The following CDH12 variants were observed in gnomAD, a reference collection of about 807,000 sequenced individuals.
CDH12 encodes the protein cadherin-12.
Under a neutral mutation model 74.1 loss-of-function variants are expected in CDH12, and 41 were observed. That is an observed-to-expected ratio of 0.55 (90% CI 0.43 to 0.72). The LOEUF (loss-of-function observed/expected upper bound fraction) is 0.72, where lower values mean the gene tolerates loss of function less well. CDH12 is among the 30% of genes least tolerant of loss of function. The pLI is 0.00. For synonymous variants in CDH12, 399 were observed against 355.0 expected (o/e 1.12, Z -1.39); for missense variants, 945 against 977.2 (o/e 0.97, Z 0.44).
At chr5:22,046,775 C>T (rs1476759070) in intron 5 of CDH12, among the ~76,000 whole-genome samples, 1 of 152,070 alleles carries the variant, frequency 6.6e-6, no homozygotes, top group Non-Finnish European at 1.5e-5. Context: ...ATGGTTCAGA[C>T]TCATTTATTT....
At chr5:22,837,420 T>C (rs1165342612) in intron 1 of CDH12, among the ~76,000 whole-genome samples, 1 of 151,854 alleles carries the variant, frequency 6.6e-6, no homozygotes, top group Admixed American at 6.6e-5. Context: ...AAATAAAAAT[T>C]AAAATAAAAT....
At chr5:22,452,908 G>C (rs1341991076) in intron 2 of CDH12, among the ~76,000 whole-genome samples, 2 of 95,816 alleles carry the variant, frequency 2.1e-5, no homozygotes, top group South Asian at 3.4e-4. Context: ...AAAAAAATGA[G>C]TTAAAAGTGG....
chr5:22,615,257 C>A (rs1561529953), intron 1 of CDH12, among the ~76,000 whole-genome samples: 2 of 151,994 alleles, frequency 1.3e-5, no homozygotes, highest in Non-Finnish European at 1.5e-5. Flanking sequence ...ACATTAAAGT[C>A]TTGGATGTGT....
At chr5:22,095,832 C>T (rs1324266616) in intron 4 of CDH12, among the ~76,000 whole-genome samples, 1 of 151,786 alleles carries the variant, frequency 6.6e-6, no homozygotes, top group African/African-American at 2.4e-5. Context: ...CATGCCCCAA[C>T]CTCTTATCTC....
At chr5:22,034,193 C>A (rs1243227422) in intron 5 of CDH12, among the ~76,000 whole-genome samples, 2 of 152,112 alleles carry the variant, frequency 1.3e-5, no homozygotes, top group East Asian at 3.9e-4. Context: ...CACCACCATG[C>A]CTGGATAATT....
chr5:22,226,876 C>T (rs999941369), intron 3 of CDH12, among the ~76,000 whole-genome samples: 9 of 152,022 alleles, frequency 5.9e-5, no homozygotes, highest in African/African-American at 1.2e-4. Context: ...TGTGCTTTCA[C>T]GGCTTAGAAC....
At chr5:22,194,812 T>C (rs1174965120) in intron 4 of CDH12, among the ~76,000 whole-genome samples, 1 of 152,178 alleles carries the variant, frequency 6.6e-6, no homozygotes, top group Non-Finnish European at 1.5e-5. Flanking sequence ...ATAGGACAGT[T>C]TCACCCAGAG....
intron 1 of CDH12, among the ~76,000 whole-genome samples, chr5:22,586,122 A>T (rs1740383953): frequency 6.6e-6 from 1 of 152,206 alleles, no homozygotes; most frequent in African/African-American, 2.4e-5. Flanking sequence ...TGGATTAAGA[A>T]AATGTGGCAC....
intron 4 of CDH12, among the ~76,000 whole-genome samples, chr5:22,084,925 C>T (rs1390921682): frequency 1.3e-5 from 2 of 152,110 alleles, no homozygotes; most frequent in African/African-American, 4.8e-5. Flanking sequence ...GTTATAAAAG[C>T]AAGAACAGAA....
chr5:22,105,919 AC>A (rs1254168711), intron 4 of CDH12, among the ~76,000 whole-genome samples: 2 of 152,022 alleles, frequency 1.3e-5, no homozygotes, highest in African/African-American at 4.8e-5. Context: ...GGATAATATA[AC>A]TTTTCCTTAA....
At chr5:21,790,567 C>T (rs1746434130) in intron 10 of CDH12, among the ~76,000 whole-genome samples, 1 of 152,000 alleles carries the variant, frequency 6.6e-6, no homozygotes, top group African/African-American at 2.4e-5. Flanking sequence ...GTTTAGGGAT[C>T]TTTCATTCCA....
At chr5:22,699,262 A>T (rs1048454148) in intron 1 of CDH12, among the ~76,000 whole-genome samples, 1 of 151,694 alleles carries the variant, frequency 6.6e-6, no homozygotes, top group Non-Finnish European at 1.5e-5. Flanking sequence ...AAAAATCTTT[A>T]ATGTTGTGGT....
intron 5 of CDH12, among the ~76,000 whole-genome samples, chr5:22,052,400 G>A (rs999652127): frequency 2.0e-5 from 3 of 151,878 alleles, no homozygotes; most frequent in East Asian, 3.9e-4. Context: ...ATATTTTCTC[G>A]GGAATCGTTC....
chr5:21,774,833 C>T (rs1436945100), intron 11 of CDH12, among the ~76,000 whole-genome samples: 1 of 152,102 alleles, frequency 6.6e-6, no homozygotes, highest in Admixed American at 6.6e-5. Context: ...TATGTTTAGT[C>T]CTGAAAAGTC....
intron 1 of CDH12, among the ~76,000 whole-genome samples, chr5:22,793,980 C>T (rs1185061555): frequency 1.3e-5 from 2 of 152,120 alleles, no homozygotes; most frequent in Admixed American, 6.5e-5. Context: ...TTCATACCTC[C>T]TATGTTGCAT....
chr5:22,308,025 C>T (rs557317335), intron 3 of CDH12, among the ~76,000 whole-genome samples: 5 of 151,330 alleles, frequency 3.3e-5, no homozygotes, highest in South Asian at 2.1e-4. Context: ...GGACTACAGG[C>T]GCCCGCCACC....
At chr5:22,172,399 C>T (rs1749081369) in intron 4 of CDH12, 1 of 151,760 alleles carries the variant, frequency 6.6e-6, no homozygotes, top group Admixed American at 6.6e-5. Context: ...CCAATTGACA[C>T]ACATCAGGAT....
chr5:22,024,653 C>T (rs1229009653), intron 5 of CDH12, among the ~76,000 whole-genome samples: 3 of 152,100 alleles, frequency 2.0e-5, no homozygotes, highest in Non-Finnish European at 4.4e-5. Context: ...GCTGGGATTA[C>T]AGGCACATGC....
rs568514993 is a variant in CDH12 at position 22,572,996 on chromosome 5, G to T, written c.-522-67632C>A. Among the ~76,000 whole-genome samples, 12 of 152,242 alleles carry T rather than the reference G, an allele frequency of 7.9e-5. No homozygotes were observed. The East Asian group carries it at 2.3e-3, about 29-fold the overall frequency. On this transcript the variant is annotated intron_variant, in intron 1 of 14. Transcript: ENST00000382254. The stretch of plus-strand genomic sequence containing the variant: ...GAAATGCTTTGTATTTTAAAAAATT[G>T]AGTAATGAAAATAGCTCAAAATTGC...
Sources: allele counts gnomAD v4.1 joint callset (sites outside exome capture counted in the v4.1 genomes callset), GRCh38; gene constraint gnomAD v4.1.1; transcripts MANE v1.5; gene names NCBI Gene and HGNC (gene_info 2026-07-23, HGNC 2026-07-21).